PDE2A: variants seen among roughly 807,000 people sequenced by gnomAD.
PDE2A encodes the protein cGMP-dependent 3',5'-cyclic phosphodiesterase.
In PDE2A, 53 loss-of-function variants were observed where a neutral mutation model predicts 133.6. The ratio of observed to expected loss-of-function variants is 0.40; its 90% CI spans 0.32 to 0.50. The LOEUF (loss-of-function observed/expected upper bound fraction) is 0.50, where lower values mean the gene tolerates loss of function less well. PDE2A is among the 20% of genes least tolerant of loss of function. The probability of loss-of-function intolerance (pLI) is 0.73; values close to 1 mark genes in which losing one functional copy is unlikely to be tolerated. For synonymous variants in PDE2A, 491 were observed against 490.2 expected, an observed-to-expected ratio of 1.00 and a Z score of -0.02; for missense variants, 796 against 1,232.4, an observed-to-expected ratio of 0.65 and a Z score of 5.30.
intron 2 of PDE2A, among the ~76,000 whole-genome samples, chr11:72,615,311 C>T (rs907855): frequency 0.063 from 9,590 of 152,212 alleles, 1,010 homozygotes; most frequent in African/African-American, 0.22. Flanking sequence ...GGTTGTCCCC[C>T]GCACCCTTGG....
At position 72,578,428 on chromosome 11, in the gene PDE2A, C is replaced by A. The variant is rs758429731; in HGVS notation, c.2508+48G>T. Reference sequence around the variant, plus strand: ...AGTTCAAGCCCTCCCTGTCCCAGGCCAGGAACCCTCCCCCATCCTGGACAT... The same window carrying A: ...AGTTCAAGCCCTCCCTGTCCCAGGCAAGGAACCCTCCCCCATCCTGGACAT... On this transcript the variant is annotated intron_variant, in intron 29 of 30. Coordinates refer to ENST00000334456, the MANE Select transcript of PDE2A (RefSeq NM_002599.5). This position sits in a 1 kb window ranked among gnomAD's most constrained non-coding sequence, Gnocchi z 4.2. 8 of 1,593,996 alleles carry A rather than the reference C, an allele frequency of 5.0e-6. No individual in the cohort carries two copies. In the African/African-American group the frequency reaches 1.1e-4, roughly 21 times the overall value.
At chr11:72,615,135 G>T in intron 2 of PDE2A, 1 of 496,220 alleles carries the variant, frequency 2.0e-6, no homozygotes, top group Non-Finnish European at 4.3e-6. Flanking sequence ...ATACACCTGA[G>T]CCAGTCCCAG....
At chr11:72,667,546 T>C (rs1591148502) in intron 1 of PDE2A, among the ~76,000 whole-genome samples, 1 of 152,142 alleles carries the variant, frequency 6.6e-6, no homozygotes, top group East Asian at 1.9e-4. Context: ...CCATCCTTCA[T>C]CTCTGCCACT....
chr11:72,580,461 A>C, intron 25 of PDE2A, 116 bp downstream of exon 25: 1 of 790,272 alleles, frequency 1.3e-6, no homozygotes, highest in Non-Finnish European at 2.2e-6. Flanking sequence ...GTGTGGCTGC[A>C]GCTCTCGCAG....
chr11:72,646,402 A>G (rs1859129066), intron 1 of PDE2A, among the ~76,000 whole-genome samples: 2 of 152,224 alleles, frequency 1.3e-5, no homozygotes, highest in South Asian at 4.1e-4. Context: ...GCCCCATTTT[A>G]CAAATAAGGA....
chr11:72,650,599 C>T (rs552919077), intron 1 of PDE2A, among the ~76,000 whole-genome samples: 69 of 152,292 alleles, frequency 4.5e-4, no homozygotes, highest in Non-Finnish European at 7.4e-4. Context: ...CACCTCCTAC[C>T]GTCCAGGCTG....
chr11:72,666,563 C>T (rs1311193796), intron 1 of PDE2A, among the ~76,000 whole-genome samples: 1 of 152,084 alleles, frequency 6.6e-6, no homozygotes. Context: ...GAAAGCGCGA[C>T]CCAGGAGAAA....
intron 2 of PDE2A, among the ~76,000 whole-genome samples, chr11:72,632,837 G>A (rs1194220166): frequency 1.3e-5 from 2 of 151,896 alleles, no homozygotes; most frequent in Non-Finnish European, 2.9e-5. Context: ...CTGCCCGGAG[G>A]TGGAGGCAGG....
intron 6 of PDE2A, among the ~76,000 whole-genome samples, chr11:72,594,907 T>G (rs563218083): frequency 2.0e-5 from 3 of 152,122 alleles, no homozygotes; most frequent in African/African-American, 7.2e-5. Flanking sequence ...AGGGTGTCCC[T>G]GCCTTCCCCC....
In PDE2A at chr11:72,578,088, C is replaced by T. The variant is rs575711236; in HGVS notation, c.2615+145G>A. On this transcript the variant is annotated intron_variant, in intron 30 of 30. Transcript: ENST00000334456. This position sits in a 1 kb window ranked among gnomAD's most constrained non-coding sequence, Gnocchi z 4.2. ...GTGAAGGACCCACTGAGGGGCACAG[C>T]GGGAGACAGTTATGCCCAGAGGCAA... The T allele has an allele frequency of 4.6e-5, 30 of 656,920 alleles. No individual in the cohort carries two copies. The East Asian group carries it at 4.9e-4, about 11-fold the overall frequency. The allele number at this position is 656,920 out of a possible 1,614,324, so 40.7% of individuals were successfully genotyped here. A position where few individuals can be genotyped will look rare whatever the true frequency, so the allele number is the denominator to read the frequency against.
intron 2 of PDE2A, among the ~76,000 whole-genome samples, chr11:72,638,197 C>T (rs549318638): frequency 7.5e-4 from 114 of 152,358 alleles, no homozygotes; most frequent in African/African-American, 2.5e-3. Context: ...GTGAGACCTG[C>T]ACCAGTCACC....
At chr11:72,585,989 G>A in intron 14 of PDE2A, 81 bp downstream of exon 14, 1 of 825,238 alleles carries the variant, frequency 1.2e-6, no homozygotes, top group South Asian at 1.5e-5. Context: ...GAAAGACATG[G>A]GCATTTCCCT....
chr11:72,645,741 C>T (rs972762403), intron 1 of PDE2A, among the ~76,000 whole-genome samples: 3 of 152,208 alleles, frequency 2.0e-5, no homozygotes, highest in African/African-American at 7.2e-5. Flanking sequence ...CAGGGCTGGC[C>T]CCTACTGGCC....
intron 20 of PDE2A, 103 bp downstream of exon 20, chr11:72,583,335 G>A (rs1468560837): frequency 4.8e-6 from 4 of 833,564 alleles, no homozygotes; most frequent in Non-Finnish European, 6.1e-6. Context: ...TGTGGCTCTG[G>A]GCCTATCCTC....
intron 14 of PDE2A, 76 bp downstream of exon 14, chr11:72,585,994 T>C: frequency 1.2e-6 from 1 of 861,998 alleles, no homozygotes; most frequent in Non-Finnish European, 1.9e-6. Context: ...ACATGGGCAT[T>C]TCCCTTCTGA....
At position 72,623,236 on chromosome 11, in the gene PDE2A, T is replaced by C. The variant is rs534058375; in HGVS notation, c.145-14485A>G. Among the ~76,000 whole-genome samples, 86 of 152,072 alleles carry C rather than the reference T, an allele frequency of 5.7e-4. No individual in the cohort carries two copies. In the South Asian group the frequency reaches 0.017, roughly 31 times the overall value. The stretch of plus-strand genomic sequence containing the variant: ...TGCCCAGCACAGCACAATCTTCCGG[T>C]TCCCATCTTACCTGTGGGCCAGCAC... On this transcript the variant is annotated intron_variant, in intron 2 of 30. Coordinates refer to ENST00000334456, the MANE Select transcript of PDE2A (RefSeq NM_002599.5).
chr11:72,577,656 G>T, intron 30 of PDE2A, 62 bp from the exon 31 acceptor site: 1 of 1,188,178 alleles, frequency 8.4e-7, no homozygotes, highest in Non-Finnish European at 1.2e-6. Context: ...CAGCAAGAAA[G>T]ACTAGGGCTA....
In PDE2A at chr11:72,584,735, G is replaced by C. The variant is rs1320130197; in HGVS notation, c.1360-7C>G. On this transcript the variant is annotated splice_polypyrimidine_tract_variant and splice_region_variant and intron_variant, in intron 17 of 30. Coordinates refer to ENST00000334456, the MANE Select transcript of PDE2A (RefSeq NM_002599.5). ...GGATGCGGATCTCATAGCTCTGCCG[G>C]AGCAGAGATGGAGTCGAGAGGAAGA... is the stretch of plus-strand genomic sequence containing the variant. 2 of 1,613,078 alleles carry C rather than the reference G, an allele frequency of 1.2e-6. No homozygotes were observed. The highest frequency in any genetic ancestry group is 1.7e-6 in the Non-Finnish European group (2 of 1,179,834).
rs774998875 is a variant in PDE2A at position 72,631,169 on chromosome 11, G to A, written c.144+11085C>T. On this transcript the variant is annotated intron_variant, in intron 2 of 30. Transcript: ENST00000334456. The stretch of plus-strand genomic sequence containing the variant: ...AGAGACAAGAAGGTCAGGGGCTGAG[G>A]CCGGCCAGGCCTTCTCCCCTTCTCC... The A allele has an allele frequency of 1.1e-5, 16 of 1,511,664 alleles. No individual in the cohort carries two copies. In the South Asian group the frequency reaches 1.8e-4, roughly 17 times the overall value. The allele number at this position is 1,511,664 out of a possible 1,614,324, so 93.6% of individuals were successfully genotyped here.
Sources: gnomAD v4.1 joint callset for allele counts (sites outside exome capture counted in the v4.1 genomes callset) on GRCh38, gnomAD v4.1.1 for gene constraint, Gnocchi (gnomAD v3.1) non-coding constraint, MANE v1.5 for transcripts, NCBI Gene and HGNC (gene_info 2026-07-23, HGNC 2026-07-21) for gene names.